MRTFA: variants seen among roughly 807,000 people sequenced by gnomAD.
The protein encoded by MRTFA is myocardin-related transcription factor A.
A neutral mutation model predicts 83.5 loss-of-function variants in MRTFA; 20 were observed. The observed-to-expected ratio is 0.24, with a 90% confidence interval of 0.17 to 0.35. The LOEUF (loss-of-function observed/expected upper bound fraction) is 0.35. Ranked by LOEUF, MRTFA falls within the 10% of genes least tolerant of loss-of-function variation. The pLI, the probability that MRTFA is intolerant of heterozygous loss-of-function variation, is 1.00. For synonymous variants in MRTFA, 659 were observed against 541.2 expected (o/e 1.22, Z -3.02); for missense variants, 1,200 against 1,224.7 (o/e 0.98, Z 0.30).
At chr22:40,548,282 C>T (rs1347803622) in intron 3 of MRTFA, among the ~76,000 whole-genome samples, 4 of 136,310 alleles carry the variant, frequency 2.9e-5, no homozygotes, top group Non-Finnish European at 6.1e-5. Flanking sequence ...TCACTTGAAC[C>T]AGGGAGGCAG....
intron 3 of MRTFA, among the ~76,000 whole-genome samples, chr22:40,541,427 C>A (rs1202024737): frequency 1.3e-5 from 2 of 152,176 alleles, no homozygotes; most frequent in Non-Finnish European, 2.9e-5. Flanking sequence ...ATGTCATGGG[C>A]TCCAACCACT....
chr22:40,617,899 A>G (rs2056473066), intron 1 of MRTFA, among the ~76,000 whole-genome samples: 1 of 152,174 alleles, frequency 6.6e-6, no homozygotes, highest in Non-Finnish European at 1.5e-5. Flanking sequence ...CATGCCAAGT[A>G]CTGTTGGTGT....
chr22:40,506,089 C>T (rs570519628), intron 3 of MRTFA, among the ~76,000 whole-genome samples: 2 of 152,012 alleles, frequency 1.3e-5, no homozygotes, highest in Non-Finnish European at 2.9e-5. Flanking sequence ...AAAAAATCAG[C>T]CGGGCATGGT....
intron 3 of MRTFA, among the ~76,000 whole-genome samples, chr22:40,532,500 A>G (rs1705641920): frequency 6.6e-6 from 1 of 152,248 alleles, no homozygotes. Flanking sequence ...TAGGAGGAAA[A>G]GGAAAGGCAA....
rs138830176 is a variant in MRTFA, at chr22:40,419,305, C to T, written c.1433G>A (p.Arg478Gln). The T allele has an allele frequency of 5.1e-5, 82 of 1,613,840 alleles. No homozygotes were observed. The African/African-American group carries it at 6.5e-4, about 13-fold the overall frequency. ...AGGGCTGATTTGGTCTTGATAGGCT[C>T]GAAGGCGCTCAATCAGCTCAGTTTT... Residue 478 changes from arginine to glutamine, a missense_variant, in exon 12 of 15, where the codon CGA becomes CAA. Physicochemically the swap from Arg to Gln is conservative, Grantham distance 43. Coordinates refer to ENST00000355630, the MANE Select transcript of MRTFA (RefSeq NM_020831.6).
intron 3 of MRTFA, among the ~76,000 whole-genome samples, chr22:40,538,331 G>A (rs978622797): frequency 8.5e-5 from 12 of 141,096 alleles, no homozygotes; most frequent in Admixed American, 2.9e-4. Flanking sequence ...ATTAAGGGCG[G>A]TGCAAGATGT....
At chr22:40,412,962 C>T (rs1256655634) in intron 14 of MRTFA, 1 of 151,698 alleles carries the variant, frequency 6.6e-6, no homozygotes, top group East Asian at 1.9e-4. Flanking sequence ...ATGGTGAAAC[C>T]CCGACCTCTA....
chr22:40,572,526 TG>T (rs2055810730), intron 2 of MRTFA, among the ~76,000 whole-genome samples: 1 of 152,048 alleles, frequency 6.6e-6, no homozygotes, highest in African/African-American at 2.4e-5. Flanking sequence ...ATGGATTAAC[TG>T]TGTAGTCTGT....
intron 3 of MRTFA, among the ~76,000 whole-genome samples, chr22:40,547,381 G>A (rs904874601): frequency 1.3e-5 from 2 of 152,012 alleles, no homozygotes; most frequent in African/African-American, 4.8e-5. Context: ...AGAGTAACAG[G>A]AGGTGCTATT....
chr22:40,534,823 T>C (rs1410697064), intron 3 of MRTFA, among the ~76,000 whole-genome samples: 1 of 152,244 alleles, frequency 6.6e-6, no homozygotes, highest in Non-Finnish European at 1.5e-5. Context: ...TCAGCCTGTA[T>C]GTGAAAGCTG....
chr22:40,463,098 AAG>A (rs772879286), intron 4 of MRTFA, 121 bp downstream of exon 4: 20 of 818,960 alleles, frequency 2.4e-5, no homozygotes, highest in Non-Finnish European at 3.7e-5. Context: ...CATGAGAAAG[AAG>A]AGAGTGGAAA....
chr22:40,549,829 A>T (rs2055418175), intron 3 of MRTFA, among the ~76,000 whole-genome samples: 1 of 152,222 alleles, frequency 6.6e-6, no homozygotes, highest in Non-Finnish European at 1.5e-5. Context: ...AGGAGGGCAG[A>T]TCACCTGAGG....
At chr22:40,531,295 T>A (rs1204028791) in intron 3 of MRTFA, among the ~76,000 whole-genome samples, 1 of 147,074 alleles carries the variant, frequency 6.8e-6, no homozygotes, top group Non-Finnish European at 1.5e-5. Flanking sequence ...TAATTTTTTG[T>A]AGAGATGGGT....
intron 2 of MRTFA, among the ~76,000 whole-genome samples, chr22:40,559,880 T>C (rs1602429061): frequency 6.6e-6 from 1 of 152,346 alleles, no homozygotes; most frequent in South Asian, 2.1e-4. Context: ...CTTTAGCAAC[T>C]GTTCGATTCA....
chr22:40,636,318 G>A (rs926459704), intron 1 of MRTFA, among the ~76,000 whole-genome samples, 160 bp downstream of exon 1: 4 of 152,266 alleles, frequency 2.6e-5, no homozygotes, highest in African/African-American at 7.2e-5. Context: ...CGGCCCCGAG[G>A]GCAGGGGCAG....
intron 3 of MRTFA, among the ~76,000 whole-genome samples, chr22:40,485,861 A>G (rs961389029): frequency 1.3e-5 from 2 of 152,154 alleles, no homozygotes; most frequent in Non-Finnish European, 2.9e-5. Flanking sequence ...AAGTGGACTC[A>G]GAGATTAACG....
intron 3 of MRTFA, among the ~76,000 whole-genome samples, chr22:40,509,200 T>G (rs2054628963): frequency 6.6e-6 from 1 of 152,214 alleles, no homozygotes; most frequent in Non-Finnish European, 1.5e-5. Context: ...GATACAAAGA[T>G]TAAAATAAGC....
chr22:40,555,328 T>C (rs1010307262), intron 2 of MRTFA, among the ~76,000 whole-genome samples: 1 of 152,174 alleles, frequency 6.6e-6, no homozygotes, highest in Admixed American at 6.5e-5. Flanking sequence ...CAGGGCCTGA[T>C]GGGAGATATT....
In MRTFA at chr22:40,418,980, C is replaced by T. The variant is rs561837760; in HGVS notation, c.1758G>A (p.Gln586=). Residue 586 remains glutamine, a synonymous_variant, in exon 12 of 15, where the codon CAG becomes CAA. Coordinates refer to ENST00000355630, the MANE Select transcript of MRTFA (RefSeq NM_020831.6). Reference sequence around the variant, plus strand: ...GCAGTGGCGAGGCCTGCAGGGTCAGCTGCGTCAGAGGTGATGTCACCATCT... The same window carrying T: ...GCAGTGGCGAGGCCTGCAGGGTCAGTTGCGTCAGAGGTGATGTCACCATCT... 47 of 1,612,858 alleles carry T rather than the reference C, an allele frequency of 2.9e-5. 1 individual carries two copies. The South Asian group carries it at 4.5e-4, about 15-fold the overall frequency.
Sources: gnomAD v4.1 joint callset for allele counts (sites outside exome capture counted in the v4.1 genomes callset) on GRCh38, gnomAD v4.1.1 for gene constraint, MANE v1.5 for transcripts, NCBI Gene and HGNC (gene_info 2026-07-23, HGNC 2026-07-21) for gene names.